PSD3: variants seen among roughly 807,000 people sequenced by gnomAD.
PSD3 encodes PH and SEC7 domain-containing protein 3.
A neutral mutation model predicts 105.5 loss-of-function variants in PSD3; 49 were observed. The ratio of observed to expected loss-of-function variants is 0.46; its 90% CI spans 0.37 to 0.59. The LOEUF (loss-of-function observed/expected upper bound fraction) is 0.59, where lower values mean the gene tolerates loss of function less well. Ranked by LOEUF, PSD3 falls within the 20% of genes least tolerant of loss-of-function variation. The pLI is 0.00. For synonymous variants in PSD3, 557 were observed against 457.8 expected, an observed-to-expected ratio of 1.22 and a Z score of -2.77; for missense variants, 1,561 against 1,263.8, an observed-to-expected ratio of 1.24 and a Z score of -3.57.
In PSD3 at chr8:18,632,682, G is replaced by A; in HGVS notation, c.2341C>T (p.Pro781Ser). 6.2e-7 allele frequency: 1 copy of A among 1,612,708 alleles called. No homozygotes were observed. Among genetic ancestry groups the A allele is most frequent in the Non-Finnish European group, 8.5e-7 (1 of 1,179,120 alleles). The change falls in exon 11 of 16, where the codon CCA (proline) becomes TCA (serine). Residue 781 changes from proline to serine, a missense_variant. Physicochemically the swap from Pro to Ser is moderately conservative, Grantham distance 74 (BLOSUM62 -1). Coordinates refer to ENST00000327040, the MANE Select transcript of PSD3 (RefSeq NM_015310.4). The stretch of plus-strand genomic sequence containing the variant: ...CCACTTTTGTACACAGCAGCATTTG[G>A]ATCATGAGGAATGTCCAAAAATGGG... ...TNPFLDIPHD[P>S]NAAVYKSGFL...
chr8:18,895,061 A>G (rs774745336), intron 2 of PSD3, among the ~76,000 whole-genome samples: 9 of 152,274 alleles, frequency 5.9e-5, no homozygotes, highest in Non-Finnish European at 1.0e-4. Context: ...AAAGACACCA[A>G]CGGAAAACAG....
chr8:18,879,187 T>C (rs537725882), intron 2 of PSD3, among the ~76,000 whole-genome samples: 2 of 152,266 alleles, frequency 1.3e-5, no homozygotes, highest in Admixed American at 1.3e-4. Flanking sequence ...TTAATAGTTT[T>C]CATTGAAATG....
chr8:18,880,595 C>T (rs183279395), intron 2 of PSD3, among the ~76,000 whole-genome samples: 27 of 152,284 alleles, frequency 1.8e-4, no homozygotes, highest in African/African-American at 6.5e-4. Flanking sequence ...CTACTTGGAC[C>T]GGCATCCATG....
intron 10 of PSD3, among the ~76,000 whole-genome samples, chr8:18,649,279 C>T (rs1808294587): frequency 6.6e-6 from 1 of 152,168 alleles, no homozygotes; most frequent in African/African-American, 2.4e-5. Flanking sequence ...CTGCCCAAGG[C>T]CTTGGGAGCC....
chr8:18,939,569 A>C (rs1822388752), intron 1 of PSD3, among the ~76,000 whole-genome samples: 1 of 151,980 alleles, frequency 6.6e-6, no homozygotes, highest in Non-Finnish European at 1.5e-5. Flanking sequence ...ACTGGACTCA[A>C]ACTCTTGACC....
At chr8:18,976,096 T>C (rs1031967323) in intron 1 of PSD3, among the ~76,000 whole-genome samples, 7 of 152,144 alleles carry the variant, frequency 4.6e-5, no homozygotes, top group Non-Finnish European at 8.8e-5. Flanking sequence ...ACCATTCACA[T>C]AAACTATAAT....
intron 1 of PSD3, among the ~76,000 whole-genome samples, chr8:19,001,466 T>C (rs1826390195): frequency 6.6e-6 from 1 of 151,050 alleles, no homozygotes; most frequent in African/African-American, 2.5e-5. Context: ...TCAATGCACC[T>C]ACACTGACAC....
At chr8:18,929,490 A>C (rs1563431881) in intron 2 of PSD3, among the ~76,000 whole-genome samples, 2 of 152,008 alleles carry the variant, frequency 1.3e-5, no homozygotes. Context: ...TCCCCAACCC[A>C]GAGGCTTGCC....
chr8:19,047,785 A>T (rs972937884), intron 1 of PSD3, among the ~76,000 whole-genome samples: 6 of 152,088 alleles, frequency 3.9e-5, no homozygotes, highest in African/African-American at 7.2e-5. Context: ...TAGAACAAGG[A>T]CGACAAGGTG....
chr8:18,967,173 G>C (rs989991479), intron 1 of PSD3, among the ~76,000 whole-genome samples: 6 of 110,620 alleles, frequency 5.4e-5, no homozygotes, highest in African/African-American at 2.1e-4. Flanking sequence ...TTTTTTTTTT[G>C]AGACGGAGTT....
chr8:18,628,854 C>T (rs1806687695), intron 11 of PSD3, among the ~76,000 whole-genome samples: 2 of 151,818 alleles, frequency 1.3e-5, no homozygotes, highest in African/African-American at 2.4e-5. Context: ...AACAGAACCA[C>T]ACACAAAAAA....
chr8:18,657,723 T>C (rs1263151215), intron 9 of PSD3, among the ~76,000 whole-genome samples: 2 of 152,174 alleles, frequency 1.3e-5, no homozygotes, highest in Non-Finnish European at 2.9e-5. Flanking sequence ...AAATGAATTA[T>C]ATTACTTGCA....
chr8:18,827,748 G>T (rs1813318172), intron 4 of PSD3, among the ~76,000 whole-genome samples: 1 of 151,798 alleles, frequency 6.6e-6, no homozygotes, highest in South Asian at 2.1e-4. Context: ...GAGCAGGATT[G>T]TGAGTAAAAA....
At chr8:18,700,442 T>C (rs1057415655) in intron 9 of PSD3, among the ~76,000 whole-genome samples, 2 of 152,242 alleles carry the variant, frequency 1.3e-5, no homozygotes, top group African/African-American at 2.4e-5. Flanking sequence ...TATAACATAC[T>C]GCTGAAATAG....
chr8:18,822,414 G>A (rs540010684), intron 4 of PSD3, among the ~76,000 whole-genome samples: 1 of 152,086 alleles, frequency 6.6e-6, no homozygotes, highest in Non-Finnish European at 1.5e-5. Context: ...CCGGGAGTGT[G>A]TTCCAAGTAC....
At chr8:18,752,177 C>CA (rs1300011605) in intron 9 of PSD3, among the ~76,000 whole-genome samples, 1 of 151,686 alleles carries the variant, frequency 6.6e-6, no homozygotes, top group African/African-American at 2.4e-5. Flanking sequence ...TCCTCTCTCT[C>CA]AAAAAATAAA....
intron 2 of PSD3, among the ~76,000 whole-genome samples, chr8:18,923,963 G>A (rs933884950): frequency 2.0e-5 from 3 of 149,508 alleles, no homozygotes; most frequent in African/African-American, 7.7e-5. Context: ...AATAGATCTT[G>A]TAGACAAAAA....
At chr8:18,913,610 C>T (rs1325645730) in intron 2 of PSD3, among the ~76,000 whole-genome samples, 9 of 152,008 alleles carry the variant, frequency 5.9e-5, no homozygotes, top group Non-Finnish European at 1.3e-4. Context: ...CAAGCTGCCA[C>T]GAACCCAGGA....
intron 8 of PSD3, among the ~76,000 whole-genome samples, chr8:18,788,149 A>C (rs1224650564): frequency 1.3e-5 from 2 of 152,218 alleles, no homozygotes; most frequent in Non-Finnish European, 2.9e-5. Context: ...TGGTATTGGT[A>C]CTGAGGACAA....
Sources: allele counts gnomAD v4.1 joint callset (sites outside exome capture counted in the v4.1 genomes callset), GRCh38; gene constraint gnomAD v4.1.1; transcripts MANE v1.5; gene names NCBI Gene and HGNC (gene_info 2026-07-23, HGNC 2026-07-21).